The following POGLUT3 variants were observed in gnomAD, a reference collection of about 807,000 sequenced individuals.
POGLUT3 encodes the protein protein O-glucosyltransferase 3.
Under a neutral mutation model 54.3 loss-of-function variants are expected in POGLUT3, and 48 were observed. The ratio of observed to expected loss-of-function variants is 0.88; its 90% CI spans 0.70 to 1.12. The LOEUF is 1.12. POGLUT3 is among the 50% of genes most tolerant of loss of function. The probability of loss-of-function intolerance (pLI) is 0.00; values close to 1 mark genes in which losing one functional copy is unlikely to be tolerated. For synonymous variants in POGLUT3, 218 were observed against 237.4 expected (o/e 0.92, Z 0.75); for missense variants, 629 against 618.7 (o/e 1.02, Z -0.18).
chr11:108,491,926 CAA>C (rs1193496757), intron 1 of POGLUT3, among the ~76,000 whole-genome samples: 10 of 152,198 alleles, frequency 6.6e-5, no homozygotes, highest in Non-Finnish European at 1.2e-4. Context: ...AAAACACACA[CAA>C]GCTTTCTTTG....
chr11:108,498,031 G>A (rs2093625440), intron 1 of POGLUT3, 134 bp downstream of exon 1: 2 of 680,072 alleles, frequency 2.9e-6, no homozygotes, highest in South Asian at 4.8e-5. Context: ...GGAGGGAAGA[G>A]GAGCTGACCA....
At chr11:108,484,049 T>G (rs2093597953) in intron 3 of POGLUT3, among the ~76,000 whole-genome samples, 2 of 152,184 alleles carry the variant, frequency 1.3e-5, no homozygotes, top group South Asian at 4.1e-4. Flanking sequence ...CAAGCTCATA[T>G]TATTGACATT....
chr11:108,475,354 T>G (rs2093578778), intron 7 of POGLUT3, among the ~76,000 whole-genome samples: 1 of 152,206 alleles, frequency 6.6e-6, no homozygotes. Context: ...TCTCACACAT[T>G]CTTTCTTTTA....
intron 1 of POGLUT3, 133 bp downstream of exon 1, chr11:108,498,032 G>C: frequency 1.4e-6 from 1 of 692,616 alleles, no homozygotes; most frequent in Non-Finnish European, 2.2e-6. Context: ...GAGGGAAGAG[G>C]AGCTGACCAG....
chr11:108,491,530 T>G (rs1216876184), intron 1 of POGLUT3: 1 of 278,116 alleles, frequency 3.6e-6, no homozygotes. Flanking sequence ...GCCCAGCTAA[T>G]TTTTGAAATT....
chr11:108,487,672 C>T (rs2093606052), intron 2 of POGLUT3, among the ~76,000 whole-genome samples: 1 of 151,908 alleles, frequency 6.6e-6, no homozygotes, highest in South Asian at 2.1e-4. Context: ...AGTGTAGTGG[C>T]GTGATCTCGG....
chr11:108,493,569 G>T (rs757980481), intron 1 of POGLUT3, among the ~76,000 whole-genome samples: 1 of 152,090 alleles, frequency 6.6e-6, no homozygotes, highest in Non-Finnish European at 1.5e-5. Context: ...ACTTTGGTAG[G>T]CCAAGGCAGG....
In POGLUT3 at chr11:108,479,309, A is replaced by G. The variant is rs371970386; in HGVS notation, c.1285T>C (p.Trp429Arg). The G allele has an allele frequency of 2.5e-5, 40 of 1,608,958 alleles. 1 individual carries two copies. In the South Asian group the frequency reaches 4.1e-4, roughly 17 times the overall value. ...AATTGCTGGACGCATACCTTAGCCC[A>G]TTTAACTTTCTCTAATAAATCACTC... is the stretch of plus-strand genomic sequence containing the variant. ...NLSDLLEKVK[W>R]AKENDEEAKK... is the part of the protein sequence containing the mutation. Residue 429 changes from tryptophan to arginine, a missense_variant, in exon 6 of 8, where the codon TGG (tryptophan) becomes CGG (arginine). Transcript: ENST00000323468.
rs1182179068 is a variant in POGLUT3 at position 108,475,454 on chromosome 11, G to GTTTT, written c.1399-506_1399-503dup. ...TGAGTGAAATATTTCTATAAATGGA[G>GTTTT]TTTTTTTTGTTTTTGTTTTTTTTTT... On this transcript the variant is annotated intron_variant, in intron 7 of 7. Transcript: ENST00000323468. Among the ~76,000 whole-genome samples, 464 of 109,222 alleles carry GTTTT rather than the reference G, an allele frequency of 4.2e-3. 21 individuals are homozygous for GTTTT. Among genetic ancestry groups the GTTTT allele is most frequent in the African/African-American group, 6.0e-3 (167 of 27,626 alleles). 71.7% of individuals were successfully genotyped at this position (109,222 alleles called of 152,430 possible).
chr11:108,491,892 C>T (rs1277189829), intron 1 of POGLUT3, among the ~76,000 whole-genome samples: 4 of 152,310 alleles, frequency 2.6e-5, no homozygotes, highest in Non-Finnish European at 4.4e-5. Context: ...ACAGATCTCT[C>T]TAGTAATCGA....
intron 3 of POGLUT3, among the ~76,000 whole-genome samples, chr11:108,482,545 A>T (rs2093594879): frequency 6.6e-6 from 1 of 152,144 alleles, no homozygotes; most frequent in East Asian, 1.9e-4. Flanking sequence ...TCAGGAGTTC[A>T]AGACCAGTCT....
Position 108,474,756 on chromosome 11 carries a change from C to T in POGLUT3, c.*71G>A. The T allele has an allele frequency of 1.3e-6, 2 of 1,570,424 alleles. No homozygotes were observed. Among genetic ancestry groups the T allele is most frequent in the Non-Finnish European group, 1.7e-6 (2 of 1,149,766 alleles). On this transcript the variant is annotated 3_prime_UTR_variant, in exon 8 of 8. Coordinates refer to ENST00000323468, the MANE Select transcript of POGLUT3 (RefSeq NM_153705.5). The stretch of plus-strand genomic sequence containing the variant: ...CACTTGGTGCAGTCTTCTATACTGT[C>T]CTTCACAGCTTAGATTCAATCTTTC...
chr11:108,477,814 G>A, intron 6 of POGLUT3, 103 bp from the exon 7 acceptor site: 1 of 756,284 alleles, frequency 1.3e-6, no homozygotes, highest in Non-Finnish European at 2.4e-6. Context: ...AAAGTGAACA[G>A]CATGGGAAAG....
At chr11:108,479,604 C>A in intron 5 of POGLUT3, 109 bp from the exon 6 acceptor site, 2 of 731,552 alleles carry the variant, frequency 2.7e-6, no homozygotes, top group South Asian at 3.3e-5. Flanking sequence ...TTCCATTTTC[C>A]AACTTTTTTG....
chr11:108,476,606 T>G (rs896148372), intron 7 of POGLUT3, among the ~76,000 whole-genome samples: 1 of 152,188 alleles, frequency 6.6e-6, no homozygotes, highest in South Asian at 2.1e-4. Flanking sequence ...GGAAATTTAC[T>G]TTTACTATGC....
rs1466587514 is a variant in POGLUT3 at position 108,482,003 on chromosome 11, T to C, written c.901+3A>G. On this transcript the variant is annotated splice_donor_region_variant and intron_variant, in intron 4 of 7. Transcript: ENST00000323468. ...TTAATTAGCCTTGCATTTCCCTGAA[T>C]ACCTGTATTTCCCTGAATAGAGAGG... 6.2e-7 allele frequency: 1 copy of C among 1,605,562 alleles called. No homozygotes were observed. Among genetic ancestry groups the C allele is most frequent in the Non-Finnish European group, 8.5e-7 (1 of 1,172,698 alleles).
intron 7 of POGLUT3, among the ~76,000 whole-genome samples, chr11:108,475,470 T>TTTG (rs1555182484): frequency 2.9e-5 from 4 of 139,198 alleles, no homozygotes; most frequent in African/African-American, 8.4e-5. Context: ...TTTGTTTTTG[T>TTTG]TTTTTTTTTT....
At chr11:108,483,633 AT>A (rs1326011663) in intron 3 of POGLUT3, among the ~76,000 whole-genome samples, 4 of 152,104 alleles carry the variant, frequency 2.6e-5, no homozygotes, top group Non-Finnish European at 2.9e-5. Flanking sequence ...AGGGCAAGAG[AT>A]GTGAATATTC....
rs1158041307 is a variant in POGLUT3 at position 108,474,466 on chromosome 11, C to G, written c.*361G>C. The G allele has an allele frequency of 1.3e-5, 2 of 153,732 alleles. No individual in the cohort carries two copies. Among genetic ancestry groups the G allele is most frequent in the African/African-American group, 4.8e-5 (2 of 41,502 alleles). The allele number at this position is 153,732 out of a possible 1,614,324, so 9.5% of individuals were successfully genotyped here. ...TTTCTGACAGTTCAATGTATACAAA[C>G]TTTGTTTCATGCACAAATTATTAAA... On this transcript the variant is annotated 3_prime_UTR_variant, in exon 8 of 8. Coordinates refer to ENST00000323468, the MANE Select transcript of POGLUT3 (RefSeq NM_153705.5).
Sources: allele counts gnomAD v4.1 joint callset (sites outside exome capture counted in the v4.1 genomes callset), GRCh38; gene constraint gnomAD v4.1.1; transcripts MANE v1.5; gene names NCBI Gene and HGNC (gene_info 2026-07-23, HGNC 2026-07-21).